Variants in FUNDC2 observed in about 807,000 individuals in gnomAD.
FUNDC2 encodes the protein FUN14 domain containing 2, also known as FUN14 domain-containing protein 2.
FUNDC2 carries 4 observed loss-of-function variants against 15.6 expected under a neutral mutation model. That is an observed-to-expected ratio of 0.26 (90% CI 0.13 to 0.59). The LOEUF (loss-of-function observed/expected upper bound fraction) is 0.59. FUNDC2 is among the 20% of genes least tolerant of loss of function. The pLI, the probability that FUNDC2 is intolerant of heterozygous loss-of-function variation, is 0.90. For synonymous variants in FUNDC2, 44 were observed against 56.9 expected, an observed-to-expected ratio of 0.77 and a Z score of 1.02; for missense variants, 98 against 149.7, an observed-to-expected ratio of 0.65 and a Z score of 1.80.
At chrX:155,027,314 T>A in intron 1 of FUNDC2, 1 of 245,437 alleles carries the variant, frequency 4.1e-6, no homozygotes, top group Non-Finnish European at 7.4e-6. Context: ...TCACCCAGCC[T>A]TCCGGCGCCG....
At chrX:155,053,855 G>C in intron 4 of FUNDC2, 1 of 752,961 alleles carries the variant, frequency 1.3e-6, no homozygotes, top group Non-Finnish European at 1.6e-6. Context: ...GAGGAAGTCT[G>C]AGCCACTTAT....
chrX:155,055,844 G>A lies in FUNDC2; in HGVS notation c.*1172G>A, dbSNP rs2073893206. On this transcript the variant is annotated 3_prime_UTR_variant, in exon 5 of 5. Transcript: ENST00000369498. ...AAAGAAAACTCACTATTAAAGGTTA[G>A]TTTTACTCAGAATTGTTAATCTTGG... 8.9e-6 allele frequency: 1 copy of A among 112,152 alleles called. No homozygotes were observed. Among genetic ancestry groups the A allele is most frequent in the African/African-American group, 3.2e-5 (1 of 30,815 alleles). 9.2% of individuals were successfully genotyped at this position (112,152 alleles called of 1,213,427 possible).
intron 1 of FUNDC2, among the ~76,000 whole-genome samples, chrX:155,030,010 A>G (rs1413082564): frequency 9.0e-6 from 1 of 110,931 alleles, no homozygotes; most frequent in Non-Finnish European, 1.9e-5. Context: ...TTTGCAATTA[A>G]AATTATTTTG....
At chrX:155,046,686 C>A in intron 3 of FUNDC2, 102 bp downstream of exon 3, 1 of 622,028 alleles carries the variant, frequency 1.6e-6, no homozygotes, top group Non-Finnish European at 2.7e-6. Flanking sequence ...TCACACTAGA[C>A]TAGCCTTAGC....
intron 1 of FUNDC2, 66 bp downstream of exon 1, chrX:155,027,137 G>A: frequency 9.8e-7 from 1 of 1,018,719 alleles, no homozygotes; most frequent in South Asian, 2.7e-5. Flanking sequence ...GGAAGGGGAA[G>A]GGCTCCGCGC....
Position 155,055,515 on chromosome X carries a change from G to C in FUNDC2, c.*843G>C, listed in dbSNP as rs1489122492. The C allele has an allele frequency of 3.6e-6, 1 of 280,571 alleles. No homozygotes were observed. The highest frequency in any genetic ancestry group is 2.8e-5 in the African/African-American group (1 of 35,494). 23.1% of individuals were successfully genotyped at this position (280,571 alleles called of 1,213,427 possible). ...AATTTTAAAGAAGTAGCTTTCCAGG[G>C]ATTCAGAATTAAGAAAGATAGTGAT... On this transcript the variant is annotated 3_prime_UTR_variant, in exon 5 of 5. Coordinates refer to ENST00000369498, the MANE Select transcript of FUNDC2 (RefSeq NM_023934.4).
At chrX:155,042,378 G>A (rs2073850658) in intron 2 of FUNDC2, among the ~76,000 whole-genome samples, 1 of 107,422 alleles carries the variant, frequency 9.3e-6, no homozygotes, top group South Asian at 4.1e-4. Context: ...GTAGAGATGG[G>A]GTTTCACCAT....
At chrX:155,053,933 C>A (rs2073886078) in intron 4 of FUNDC2, 1 of 753,028 alleles carries the variant, frequency 1.3e-6, no homozygotes, top group Non-Finnish European at 1.6e-6. Flanking sequence ...GACTAAGGAG[C>A]CATAAAGAGT....
In FUNDC2 at chrX:155,057,480, T is replaced by C. The variant is rs1300677037; in HGVS notation, c.*2808T>C. On this transcript the variant is annotated 3_prime_UTR_variant, in exon 5 of 5. Coordinates refer to ENST00000369498, the MANE Select transcript of FUNDC2 (RefSeq NM_023934.4). ...TTTTCCTTGGGAAGAGCGTTGTCGC[T>C]GTATATGGTCCGCAGAAACTTGACT... 8.9e-6 allele frequency: 1 copy of C among 111,779 alleles called. No homozygotes were observed. The highest frequency in any genetic ancestry group is 1.9e-5 in the Non-Finnish European group (1 of 53,071). The allele number at this position is 111,779 out of a possible 1,213,427, so 9.2% of individuals were successfully genotyped here.
intron 4 of FUNDC2, among the ~76,000 whole-genome samples, chrX:155,052,181 A>C (rs2073881301): frequency 8.9e-6 from 1 of 112,045 alleles, no homozygotes; most frequent in Admixed American, 9.4e-5. Flanking sequence ...AAATGTCACA[A>C]GTATTCAACT....
chrX:155,043,397 A>AT (rs1374222299), intron 2 of FUNDC2, among the ~76,000 whole-genome samples: 13 of 109,583 alleles, frequency 1.2e-4, no homozygotes, highest in Middle Eastern at 9.4e-3. Flanking sequence ...CTTTTAGTTT[A>AT]TTTTTTTTTG....
rs1433772774 is a variant in FUNDC2, at chrX:155,060,177, AAC to A, written c.*5509_*5510del. 10 of 112,565 alleles carry A rather than the reference AAC, an allele frequency of 8.9e-5. No homozygotes were observed. Among genetic ancestry groups the A allele is most frequent in the Non-Finnish European group, 1.7e-4 (9 of 53,356 alleles). 9.3% of individuals were successfully genotyped at this position (112,565 alleles called of 1,213,427 possible). A position where few individuals can be genotyped will look rare whatever the true frequency, so the allele number is the denominator to read the frequency against. On this transcript the variant is annotated 3_prime_UTR_variant, in exon 5 of 5. Coordinates refer to ENST00000369498, the MANE Select transcript of FUNDC2 (RefSeq NM_023934.4). ...CTCAGTAAAAATAACTTGGCAATAA[AAC>A]ACAGAAAAACAATCTATTTGATCAT... is the stretch of plus-strand genomic sequence containing the variant.
At chrX:155,042,083 AAAAG>A (rs1387494896) in intron 2 of FUNDC2, among the ~76,000 whole-genome samples, 2 of 105,966 alleles carry the variant, frequency 1.9e-5, no homozygotes, top group East Asian at 5.7e-4. Context: ...AAAAAAAAAA[AAAAG>A]AAAAAAAAGA....
In FUNDC2 at chrX:155,026,988, C is replaced by G. The variant is rs2073794109; in HGVS notation, c.50C>G (p.Ala17Gly). Residue 17 changes from alanine to glycine, a missense_variant, in exon 1 of 5, where the codon GCG becomes GGG. Coordinates refer to ENST00000369498, the MANE Select transcript of FUNDC2 (RefSeq NM_023934.4). The part of the protein sequence containing the change: ...RAGSQVVATT[A>G]RHSAAYRADP... The stretch of plus-strand genomic sequence containing the variant: ...GGAAGCCAAGTGGTGGCGACAACTG[C>G]GCGCCACTCCGCGGCCTACCGCGCA... 8.3e-7 allele frequency: 1 copy of G among 1,200,811 alleles called. No individual in the cohort carries two copies. The highest frequency in any genetic ancestry group is 1.1e-6 in the Non-Finnish European group (1 of 891,212).
rs1159912165 is a variant in FUNDC2 at position 155,059,140 on chromosome X, G to A, written c.*4468G>A. On this transcript the variant is annotated 3_prime_UTR_variant, in exon 5 of 5. Transcript: ENST00000369498. ...TGAGAACCACTGAAGTACACAGTTG[G>A]AAGCTGGTGCTGAAAAAATTAAGAG... 8.9e-6 allele frequency: 1 copy of A among 112,407 alleles called. No individual in the cohort carries two copies. Among genetic ancestry groups the A allele is most frequent in the Non-Finnish European group, 1.9e-5 (1 of 53,303 alleles). 9.3% of individuals were successfully genotyped at this position (112,407 alleles called of 1,213,427 possible).
At chrX:155,044,702 CAA>C (rs1284826091) in intron 2 of FUNDC2, among the ~76,000 whole-genome samples, 4 of 112,037 alleles carry the variant, frequency 3.6e-5, no homozygotes, top group African/African-American at 6.5e-5. Flanking sequence ...ATCAAAAAGA[CAA>C]GAGATAATTG....
chrX:155,042,068 CAAAAAAAAA>C (rs781894363), intron 2 of FUNDC2, among the ~76,000 whole-genome samples: 13 of 22,398 alleles, frequency 5.8e-4, no homozygotes, highest in East Asian at 3.0e-3. Context: ...GACTCCGTCT[CAAAAAAAAA>C]AAAAAAAAAG....
At chrX:155,049,730 C>T (rs2073874492) in intron 3 of FUNDC2, 1 of 112,266 alleles carries the variant, frequency 8.9e-6, no homozygotes, top group African/African-American at 3.2e-5. Context: ...CATGATGTGT[C>T]TCTCCATTTA....
chrX:155,056,642 G>A lies in FUNDC2; in HGVS notation c.*1970G>A, dbSNP rs782684314. On this transcript the variant is annotated 3_prime_UTR_variant, in exon 5 of 5. Coordinates refer to ENST00000369498, the MANE Select transcript of FUNDC2 (RefSeq NM_023934.4). ...ACACTCTGCCTCTCCTGACATCTGG[G>A]TCTCTGGGTTATGCCATATATGGTG... 2 of 110,395 alleles carry A rather than the reference G, an allele frequency of 1.8e-5. No individual in the cohort carries two copies. The highest frequency in any genetic ancestry group is 7.7e-4 in the South Asian group (2 of 2,603). The allele number at this position is 110,395 out of a possible 1,213,427, so 9.1% of individuals were successfully genotyped here. A position where few individuals can be genotyped will look rare whatever the true frequency, so the allele number is the denominator to read the frequency against.
Sources: allele counts gnomAD v4.1 joint callset (sites outside exome capture counted in the v4.1 genomes callset), GRCh38; gene constraint gnomAD v4.1.1; transcripts MANE v1.5; gene names NCBI Gene and HGNC (gene_info 2026-07-23, HGNC 2026-07-21).